Variants in DPYD observed in about 807,000 individuals in gnomAD.
DPYD encodes dihydropyrimidine dehydrogenase [NADP(+)].
DPYD carries 109 observed loss-of-function variants against 116.2 expected under a neutral mutation model. The observed-to-expected ratio is 0.94, with a 90% confidence interval of 0.80 to 1.10. The LOEUF (loss-of-function observed/expected upper bound fraction) is 1.10. Among genes scored for constraint, DPYD ranks in the 50% least tolerant of loss-of-function variants. DPYD has a pLI of 0.00. For synonymous variants in DPYD, 440 were observed against 432.0 expected, an observed-to-expected ratio of 1.02 and a Z score of -0.23; for missense variants, 1,302 against 1,254.5, an observed-to-expected ratio of 1.04 and a Z score of -0.57.
chr1:97,880,620 AT>A (rs1444576612), intron 2 of DPYD, among the ~76,000 whole-genome samples: 1 of 151,942 alleles, frequency 6.6e-6, no homozygotes, highest in African/African-American at 2.4e-5. Context: ...CGAGATTACT[AT>A]TTTAACATAG....
chr1:97,638,919 T>C (rs1308572002), intron 8 of DPYD, among the ~76,000 whole-genome samples: 2 of 152,148 alleles, frequency 1.3e-5, no homozygotes, highest in African/African-American at 4.8e-5. Flanking sequence ...GAGGACCACA[T>C]TTCAACATAA....
chr1:97,587,832 A>G (rs1054208125), intron 10 of DPYD, among the ~76,000 whole-genome samples: 2 of 151,064 alleles, frequency 1.3e-5, no homozygotes, highest in African/African-American at 4.9e-5. Flanking sequence ...TCCAAAAAAA[A>G]AAAAAAGAAA....
At chr1:97,793,426 A>C (rs555839862) in intron 3 of DPYD, among the ~76,000 whole-genome samples, 112 of 152,318 alleles carry the variant, frequency 7.4e-4, no homozygotes, top group Non-Finnish European at 1.4e-3. Flanking sequence ...AAAAAGGAAA[A>C]CTAACTTTGA....
intron 3 of DPYD, among the ~76,000 whole-genome samples, chr1:97,761,942 G>A (rs1402200711): frequency 3.9e-5 from 6 of 152,118 alleles, no homozygotes; most frequent in Non-Finnish European, 8.8e-5. Flanking sequence ...ACTTATAAGT[G>A]TGAGTTCAAC....
intron 18 of DPYD, among the ~76,000 whole-genome samples, chr1:97,250,135 T>C (rs967931241): frequency 1.3e-5 from 2 of 152,052 alleles, no homozygotes; most frequent in Non-Finnish European, 2.9e-5. Context: ...CCGGGTGTGG[T>C]GGTGTGTGCC....
intron 3 of DPYD, among the ~76,000 whole-genome samples, chr1:97,806,308 C>G (rs1571389058): frequency 1.3e-5 from 2 of 151,898 alleles, no homozygotes; most frequent in South Asian, 4.2e-4. Context: ...ACATCTTCAC[C>G]AAAATTTGGG....
At chr1:97,589,159 C>T (rs150658022) in intron 10 of DPYD, among the ~76,000 whole-genome samples, 16 of 152,222 alleles carry the variant, frequency 1.1e-4, no homozygotes, top group Admixed American at 1.3e-4. Context: ...TTTGTCACTA[C>T]AGAGTCTATT....
At chr1:97,323,268 G>A (rs1453897862) in intron 16 of DPYD, among the ~76,000 whole-genome samples, 13 of 144,820 alleles carry the variant, frequency 9.0e-5, no homozygotes, top group African/African-American at 3.4e-4. Context: ...ATACATATGT[G>A]TATATGTACA....
rs190048823 is a variant in DPYD, at chr1:97,699,392, G to A, written c.639C>T (p.Asp213=). The A allele has an allele frequency of 1.0e-4, 168 of 1,613,632 alleles. 2 individuals are homozygous for A. The East Asian group carries it at 3.7e-3, about 35-fold the overall frequency. The change falls in exon 6 of 23, where the codon GAC becomes GAT. Residue 213 remains aspartate, a synonymous_variant. Transcript: ENST00000370192. ...ATTCTTGTTTTTCAAATATAGTGAT[G>A]TCAGAGTACCCCAATCGAGCCAAAA... The part of the protein sequence containing the change: ...ASFLARLGYS[D]ITIFEKQEYV...
At chr1:97,315,484 CA>C in intron 16 of DPYD, among the ~76,000 whole-genome samples, 1 of 152,060 alleles carries the variant, frequency 6.6e-6, no homozygotes, top group Non-Finnish European at 1.5e-5. Flanking sequence ...TTTCCTTTCA[CA>C]AGCATTTCTC....
chr1:97,415,120 C>T (rs537083426), intron 14 of DPYD, among the ~76,000 whole-genome samples: 1 of 151,892 alleles, frequency 6.6e-6, no homozygotes, highest in South Asian at 2.1e-4. Context: ...AAAACCAGAA[C>T]AAAAGCAAAC....
At chr1:97,484,409 T>C (rs1378327041) in intron 13 of DPYD, among the ~76,000 whole-genome samples, 2 of 152,228 alleles carry the variant, frequency 1.3e-5, no homozygotes, top group African/African-American at 4.8e-5. Context: ...TCTTTATAGA[T>C]GGCTTGCTTA....
intron 5 of DPYD, among the ~76,000 whole-genome samples, chr1:97,706,837 T>C (rs1661987959): frequency 6.6e-6 from 1 of 152,104 alleles, no homozygotes; most frequent in Non-Finnish European, 1.5e-5. Context: ...CAGGTTTGCA[T>C]GTTAACGTAA....
intron 15 of DPYD, among the ~76,000 whole-genome samples, chr1:97,374,728 A>G (rs1287702733): frequency 5.8e-5 from 6 of 103,484 alleles, no homozygotes; most frequent in Admixed American, 1.8e-4. Flanking sequence ...GAAAAAAAAA[A>G]AAAAAAAAAA....
intron 1 of DPYD, among the ~76,000 whole-genome samples, chr1:97,898,708 C>T (rs190323743): frequency 2.1e-4 from 32 of 151,996 alleles, no homozygotes; most frequent in African/African-American, 5.3e-4. Flanking sequence ...CCATGTCACA[C>T]GGGTGGGGCT....
chr1:97,540,787 G>T (rs1459217205), intron 12 of DPYD, among the ~76,000 whole-genome samples: 2 of 152,122 alleles, frequency 1.3e-5, no homozygotes, highest in Non-Finnish European at 2.9e-5. Flanking sequence ...CTGGTGACTA[G>T]CCCCTATCCT....
chr1:97,087,907 TTAATAGACAAA>T lies in DPYD; in HGVS notation c.2767-5448_2767-5438del, dbSNP rs1469733377. ...TACCACCTGCTCTAAGTAGTGAGTA[TTAATAGACAAA>T]ATATGTTGCTATTTTTCCTAATATT... On this transcript the variant is annotated intron_variant, in intron 21 of 22. Coordinates refer to ENST00000370192, the MANE Select transcript of DPYD (RefSeq NM_000110.4). 9.2e-5 allele frequency among the ~76,000 whole-genome samples: 14 copies of T among 152,180 alleles called. 1 individual carries two copies. Among genetic ancestry groups the T allele is most frequent in the African/African-American group, 3.4e-4 (14 of 41,450 alleles).
At chr1:97,295,632 T>C in intron 18 of DPYD, 3 of 305,342 alleles carry the variant, frequency 9.8e-6, no homozygotes, top group Non-Finnish European at 1.4e-5. Context: ...GGTTTCACCA[T>C]GTTGCTCAGG....
intron 3 of DPYD, among the ~76,000 whole-genome samples, chr1:97,771,778 T>G (rs1012251511): frequency 2.6e-5 from 4 of 152,166 alleles, no homozygotes; most frequent in Non-Finnish European, 5.9e-5. Flanking sequence ...ACGAAAACAT[T>G]CATATTTAAT....
Sources: allele counts gnomAD v4.1 joint callset (sites outside exome capture counted in the v4.1 genomes callset), GRCh38; gene constraint gnomAD v4.1.1; transcripts MANE v1.5; gene names NCBI Gene and HGNC (gene_info 2026-07-23, HGNC 2026-07-21).